The following TEAD1 variants were observed in gnomAD, a reference collection of about 807,000 sequenced individuals.
TEAD1 encodes the protein transcriptional enhancer factor TEF-1.
In TEAD1, 9 loss-of-function variants were observed where a neutral mutation model predicts 54.9. The ratio of observed to expected loss-of-function variants is 0.16; its 90% CI spans 0.10 to 0.29. The LOEUF (loss-of-function observed/expected upper bound fraction) is 0.29, where lower values mean the gene tolerates loss of function less well. TEAD1 is among the 10% of genes least tolerant of loss of function. The probability of loss-of-function intolerance (pLI) is 1.00; values close to 1 mark genes in which losing one functional copy is unlikely to be tolerated. For missense variants in TEAD1, 387 were observed against 535.9 expected (o/e 0.72, Z 2.74); for synonymous variants, 200 against 187.8 (o/e 1.07, Z -0.53).
At chr11:12,689,635 GTC>G (rs1438495211) in intron 2 of TEAD1, among the ~76,000 whole-genome samples, 1 of 152,134 alleles carries the variant, frequency 6.6e-6, no homozygotes, top group African/African-American at 2.4e-5. Flanking sequence ...TGTAGCATCT[GTC>G]TCTCTTTTTG....
intron 2 of TEAD1, among the ~76,000 whole-genome samples, chr11:12,690,820 C>G (rs915261413): frequency 6.6e-6 from 1 of 152,188 alleles, no homozygotes; most frequent in South Asian, 2.1e-4. Context: ...TGCAGTGATG[C>G]GATCCCGGCT....
intron 2 of TEAD1, among the ~76,000 whole-genome samples, chr11:12,763,270 A>G (rs915380387): frequency 5.3e-5 from 8 of 152,244 alleles, no homozygotes; most frequent in Admixed American, 4.6e-4. Context: ...GCTACAGAAA[A>G]AGAAATGAAA....
chr11:12,747,701 C>T lies in TEAD1; in HGVS notation c.-54-16478C>T, dbSNP rs1944775885. 2.0e-5 allele frequency among the ~76,000 whole-genome samples: 3 copies of T among 152,202 alleles called. No individual in the cohort carries two copies. In the South Asian group the frequency reaches 6.2e-4, roughly 32 times the overall value. On this transcript the variant is annotated intron_variant, in intron 2 of 12. Transcript: ENST00000527636. The stretch of plus-strand genomic sequence containing the variant: ...TCTGGCACAGTTAAGACATACTACC[C>T]ATGCTCATCTCTAAGCATTTAGATA...
Position 12,764,281 on chromosome 11 carries a change from G to C in TEAD1, c.49G>C (p.Glu17Gln), listed in dbSNP as rs1945158773. 4 of 1,614,072 alleles carry C rather than the reference G, an allele frequency of 2.5e-6. No homozygotes were observed. The highest frequency in any genetic ancestry group is 3.4e-6 in the Non-Finnish European group (4 of 1,180,026). Residue 17 changes from glutamate to glutamine, a missense_variant, in exon 3 of 13, where the codon GAA (glutamate) becomes CAA (glutamine). Physicochemically the swap from Glu to Gln is conservative, Grantham distance 29. This residue lies in a region of TEAD1 where 55 missense variants were observed against 50.4 expected (regional missense o/e 1.09). Transcript: ENST00000527636. ...CAGTGAGAGCCCTGCCGAAAACATG[G>C]AAAGGATGAGTGACTCTGCAGATAA...
chr11:12,787,756 A>C (rs558811754), intron 3 of TEAD1, among the ~76,000 whole-genome samples: 2 of 152,322 alleles, frequency 1.3e-5, no homozygotes, highest in Non-Finnish European at 2.9e-5. Flanking sequence ...ATTTAATTTC[A>C]TAAATTTATG....
At chr11:12,762,276 TCAAAG>T (rs1400929361) in intron 2 of TEAD1, among the ~76,000 whole-genome samples, 2 of 152,186 alleles carry the variant, frequency 1.3e-5, no homozygotes, top group African/African-American at 4.8e-5. Flanking sequence ...TAGCCACTGC[TCAAAG>T]AATTCATTCT....
intron 2 of TEAD1, among the ~76,000 whole-genome samples, chr11:12,746,094 C>T (rs1944741004): frequency 6.6e-6 from 1 of 152,144 alleles, no homozygotes; most frequent in Non-Finnish European, 1.5e-5. Flanking sequence ...GAATCAATAC[C>T]CTCCTAACTC....
chr11:12,933,517 A>G (rs886589499), intron 12 of TEAD1, among the ~76,000 whole-genome samples: 1 of 152,220 alleles, frequency 6.6e-6, no homozygotes, highest in African/African-American at 2.4e-5. Flanking sequence ...AATGCTATGT[A>G]AATAGTTGTT....
At chr11:12,783,133 T>TGTGTGTGTGTGTGTGCGTGC (rs1198828193) in intron 3 of TEAD1, among the ~76,000 whole-genome samples, 250 of 145,556 alleles carry the variant, frequency 1.7e-3, no homozygotes, top group African/African-American at 6.4e-3. Flanking sequence ...TGTGTGTGTG[T>TGTGTGTGTGTGTGTGCGTGC]GCGCGCACTT....
intron 2 of TEAD1, among the ~76,000 whole-genome samples, chr11:12,706,016 G>C (rs1943806871): frequency 6.6e-6 from 1 of 152,158 alleles, no homozygotes; most frequent in Non-Finnish European, 1.5e-5. Flanking sequence ...AGCAATACAG[G>C]CTGTTTTCTT....
At chr11:12,838,129 C>G (rs1407055107) in intron 3 of TEAD1, among the ~76,000 whole-genome samples, 1 of 152,106 alleles carries the variant, frequency 6.6e-6, no homozygotes, top group Non-Finnish European at 1.5e-5. Flanking sequence ...AATACTGTCA[C>G]TTAATGACTT....
chr11:12,685,565 A>G (rs1943314973), intron 2 of TEAD1, among the ~76,000 whole-genome samples: 1 of 152,216 alleles, frequency 6.6e-6, no homozygotes, highest in African/African-American at 2.4e-5. Flanking sequence ...CCTAATAAGA[A>G]GAGTTTCTAC....
intron 3 of TEAD1, among the ~76,000 whole-genome samples, chr11:12,844,508 A>C (rs975019517): frequency 2.0e-5 from 3 of 152,132 alleles, no homozygotes; most frequent in African/African-American, 7.2e-5. Flanking sequence ...TGTTGCCACC[A>C]CCAGCATCAA....
intron 6 of TEAD1, among the ~76,000 whole-genome samples, chr11:12,880,730 T>A (rs1001861687): frequency 1.3e-5 from 2 of 152,226 alleles, no homozygotes; most frequent in African/African-American, 2.4e-5. Flanking sequence ...CACGCGCAGA[T>A]CTTTGCTTAG....
intron 3 of TEAD1, among the ~76,000 whole-genome samples, chr11:12,854,922 A>G (rs892425242): frequency 7.9e-5 from 12 of 151,694 alleles, no homozygotes; most frequent in African/African-American, 2.9e-4. Flanking sequence ...TACCCCCATA[A>G]TTTTAGCATG....
At chr11:12,718,796 A>C (rs566649209) in intron 2 of TEAD1, among the ~76,000 whole-genome samples, 11 of 152,002 alleles carry the variant, frequency 7.2e-5, no homozygotes, top group African/African-American at 2.4e-4. Context: ...GTTTTCTGTG[A>C]CCCAGGCTTT....
chr11:12,933,047 G>A (rs1429522033), intron 12 of TEAD1, among the ~76,000 whole-genome samples: 3 of 152,172 alleles, frequency 2.0e-5, no homozygotes, highest in African/African-American at 7.2e-5. Flanking sequence ...TAGGTGTGTA[G>A]TAGGCTGTAC....
In TEAD1 at chr11:12,724,041, A is replaced by G. The variant is rs1944264873; in HGVS notation, c.-54-40138A>G. 1.3e-5 allele frequency among the ~76,000 whole-genome samples: 2 copies of G among 152,166 alleles called. 1 individual carries two copies. Among genetic ancestry groups the G allele is most frequent in the Admixed American group, 1.3e-4 (2 of 15,274 alleles). On this transcript the variant is annotated intron_variant, in intron 2 of 12. Coordinates refer to ENST00000527636, the MANE Select transcript of TEAD1 (RefSeq NM_021961.6). ...TATTTGCCTGGGGTAAATGATTGAA[A>G]CACATTCCCCTTTGCAGTGGTGCTC... is the stretch of plus-strand genomic sequence containing the variant.
At chr11:12,798,399 T>C (rs770393695) in intron 3 of TEAD1, among the ~76,000 whole-genome samples, 26 of 152,236 alleles carry the variant, frequency 1.7e-4, no homozygotes, top group Non-Finnish European at 3.5e-4. Context: ...TTTTAACGTA[T>C]AATGTGCTGG....
Sources: allele counts gnomAD v4.1 joint callset (sites outside exome capture counted in the v4.1 genomes callset), GRCh38; gene constraint gnomAD v4.1.1; regional missense constraint gnomAD v4.1.1; transcripts MANE v1.5; gene names NCBI Gene and HGNC (gene_info 2026-07-23, HGNC 2026-07-21).